GALNT7: variants seen among roughly 807,000 people sequenced by gnomAD.
GALNT7 encodes N-acetylgalactosaminyltransferase 7.
In GALNT7, 60 loss-of-function variants were observed where a neutral mutation model predicts 82.1. The observed-to-expected ratio is 0.73, with a 90% CI of 0.59 to 0.91. The LOEUF is 0.91. GALNT7 is among the 40% of genes least tolerant of loss of function. GALNT7 has a pLI of 0.00. For synonymous variants in GALNT7, 243 were observed against 275.1 expected (o/e 0.88, Z 1.15); for missense variants, 660 against 804.2 (o/e 0.82, Z 2.17).
intron 1 of GALNT7, among the ~76,000 whole-genome samples, chr4:173,244,000 G>A (rs1426942128): frequency 6.6e-6 from 1 of 152,184 alleles, no homozygotes; most frequent in Non-Finnish European, 1.5e-5. Context: ...GGCATGCAGT[G>A]GTGCGTACGA....
chr4:173,247,380 G>T (rs1734681325), intron 1 of GALNT7, among the ~76,000 whole-genome samples: 2 of 150,540 alleles, frequency 1.3e-5, no homozygotes, highest in South Asian at 4.3e-4. Flanking sequence ...AGCCCGAGCT[G>T]ACTTAGTTAC....
chr4:173,247,613 T>C (rs1734690515), intron 1 of GALNT7, among the ~76,000 whole-genome samples: 1 of 152,144 alleles, frequency 6.6e-6, no homozygotes, highest in African/African-American at 2.4e-5. Context: ...AACCACATAC[T>C]GTACAAACAT....
At chr4:173,258,035 G>T (rs1400169979) in intron 2 of GALNT7, among the ~76,000 whole-genome samples, 1 of 152,204 alleles carries the variant, frequency 6.6e-6, no homozygotes. Context: ...GTGAGATTGA[G>T]TTGGGGAAGG....
chr4:173,303,979 G>C lies in GALNT7; in HGVS notation c.1267-17G>C, dbSNP rs28666774. On this transcript the variant is annotated splice_polypyrimidine_tract_variant and intron_variant, in intron 7 of 11. Coordinates refer to ENST00000265000, the MANE Select transcript of GALNT7 (RefSeq NM_017423.3). ...TTGTATTTGAAACAACTTTCACAAC[G>C]TGTTTTTCCTTCATAGATATGGCAG... The C allele has an allele frequency of 1.2e-5, 19 of 1,591,742 alleles. No homozygotes were observed. The highest frequency in any genetic ancestry group is 1.4e-5 in the Non-Finnish European group (16 of 1,169,260).
At chr4:173,238,775 C>T (rs1466486386) in intron 1 of GALNT7, among the ~76,000 whole-genome samples, 1 of 152,116 alleles carries the variant, frequency 6.6e-6, no homozygotes, top group Non-Finnish European at 1.5e-5. Context: ...TATAAGGTCT[C>T]TGAAAGATAG....
Position 173,320,939 on chromosome 4 carries a change from G to A in GALNT7, c.1837-641G>A, listed in dbSNP as rs187852693. On this transcript the variant is annotated intron_variant, in intron 11 of 11. Transcript: ENST00000265000. The surrounding 1 kb of genome is among the most constrained non-coding windows in gnomAD (Gnocchi z 4.1). ...TAGGTACTAGCATAGTTTGATTCAT[G>A]CTAAGGCACCATCAGTTTTACTCAC... Among the ~76,000 whole-genome samples the A allele has an allele frequency of 2.0e-5, 3 of 152,272 alleles. No homozygotes were observed. The highest frequency in any genetic ancestry group is 1.3e-4 in the Admixed American group (2 of 15,286).
rs1250176489 is a variant in GALNT7, at chr4:173,295,492, G to A, written c.851G>A (p.Arg284Gln). 3 of 1,612,480 alleles carry A rather than the reference G, an allele frequency of 1.9e-6. No individual in the cohort carries two copies. Among genetic ancestry groups the A allele is most frequent in the South Asian group, 1.1e-5 (1 of 91,048 alleles). The change falls in exon 4 of 12, where the codon CGA becomes CAA. Residue 284 changes from arginine (R) to glutamine (Q), a missense_variant. Physicochemically the swap from Arg to Gln is conservative, Grantham distance 43. Coordinates refer to ENST00000265000, the MANE Select transcript of GALNT7 (RefSeq NM_017423.3). Reference sequence around the variant, plus strand: ...AGAAGGGAAGGTTTAATTCAAGCACGAAGTATTGGTGCTCAGAAGGCTAAA... The same window carrying A: ...AGAAGGGAAGGTTTAATTCAAGCACAAAGTATTGGTGCTCAGAAGGCTAAA... The part of the protein sequence containing the change: ...NERREGLIQA[R>Q]SIGAQKAKLG...
intron 1 of GALNT7, among the ~76,000 whole-genome samples, chr4:173,177,141 C>T (rs183044800): frequency 5.9e-5 from 9 of 152,202 alleles, no homozygotes; most frequent in East Asian, 1.9e-4. Context: ...TGTGAGAAAA[C>T]GGATTACTTG....
At chr4:173,290,393 T>C (rs2126826175) in intron 2 of GALNT7, among the ~76,000 whole-genome samples, 1 of 152,348 alleles carries the variant, frequency 6.6e-6, no homozygotes, top group East Asian at 1.9e-4. Context: ...CATCTGAACA[T>C]GTATTCTATA....
chr4:173,215,370 A>ACCC, intron 1 of GALNT7, among the ~76,000 whole-genome samples: 1 of 151,722 alleles, frequency 6.6e-6, no homozygotes, highest in South Asian at 2.1e-4. Flanking sequence ...AGCAGTGATT[A>ACCC]CAGGCGTGTG....
chr4:173,289,030 T>A (rs1239537777), intron 2 of GALNT7, among the ~76,000 whole-genome samples: 1 of 151,902 alleles, frequency 6.6e-6, no homozygotes, highest in East Asian at 2.0e-4. Flanking sequence ...AGAAGGAAAA[T>A]GCAGTAGGAA....
chr4:173,224,735 G>T (rs753826443), intron 1 of GALNT7, among the ~76,000 whole-genome samples: 1 of 151,930 alleles, frequency 6.6e-6, no homozygotes, highest in Non-Finnish European at 1.5e-5. Flanking sequence ...AATATTGGCC[G>T]GGCGCGGTGG....
At chr4:173,169,340 G>C (rs1257006289) in intron 1 of GALNT7, 3 of 150,684 alleles carry the variant, frequency 2.0e-5, no homozygotes, top group African/African-American at 7.3e-5. Context: ...GGACCGCAGC[G>C]CTCACGGCCC....
At chr4:173,211,822 T>C (rs909285479) in intron 1 of GALNT7, among the ~76,000 whole-genome samples, 4 of 152,246 alleles carry the variant, frequency 2.6e-5, no homozygotes, top group Non-Finnish European at 4.4e-5. Context: ...TAAAAATCTA[T>C]ATCAAAATAG....
intron 1 of GALNT7, among the ~76,000 whole-genome samples, chr4:173,187,701 C>T (rs991759435): frequency 1.3e-5 from 2 of 152,178 alleles, no homozygotes; most frequent in Admixed American, 6.5e-5. Flanking sequence ...GGCTTTTAAA[C>T]TTCTGCCTAG....
chr4:173,184,796 T>A (rs1333023037), intron 1 of GALNT7, among the ~76,000 whole-genome samples: 1 of 152,212 alleles, frequency 6.6e-6, no homozygotes, highest in Non-Finnish European at 1.5e-5. Context: ...ATATTAATAT[T>A]ATGAAAGTTG....
chr4:173,182,123 T>A (rs1732266913), intron 1 of GALNT7, among the ~76,000 whole-genome samples: 1 of 152,226 alleles, frequency 6.6e-6, no homozygotes, highest in South Asian at 2.1e-4. Context: ...AATGAATGGC[T>A]TGAAACATTT....
intron 1 of GALNT7, among the ~76,000 whole-genome samples, chr4:173,194,973 T>C (rs1396470908): frequency 6.6e-6 from 1 of 152,222 alleles, no homozygotes; most frequent in African/African-American, 2.4e-5. Context: ...TAGATTTTCT[T>C]AGCTAAATTT....
chr4:173,303,892 C>A, intron 7 of GALNT7, 104 bp from the exon 8 acceptor site: 2 of 947,224 alleles, frequency 2.1e-6, no homozygotes, highest in Non-Finnish European at 3.2e-6. Context: ...TGTGTGGACA[C>A]TGTATATAAT....
Sources: allele counts gnomAD v4.1 joint callset (sites outside exome capture counted in the v4.1 genomes callset), GRCh38; gene constraint gnomAD v4.1.1; non-coding constraint Gnocchi (gnomAD v3.1); transcripts MANE v1.5; gene names NCBI Gene and HGNC (gene_info 2026-07-23, HGNC 2026-07-21).